Variants in SVIL observed in about 807,000 individuals in gnomAD.
The protein encoded by SVIL is archvillin.
SVIL carries 101 observed loss-of-function variants against 240.4 expected under a neutral mutation model. The ratio of observed to expected loss-of-function variants is 0.42; its 90% CI spans 0.36 to 0.50. SVIL has a LOEUF of 0.50. Among genes scored for constraint, SVIL ranks in the 20% least tolerant of loss-of-function variants. The probability of loss-of-function intolerance (pLI) is 0.01; values close to 1 mark genes in which losing one functional copy is unlikely to be tolerated. For missense variants in SVIL, 2,512 were observed against 2,818.7 expected (o/e 0.89, Z 2.46); for synonymous variants, 999 against 1,100.0 (o/e 0.91, Z 1.82).
At chr10:29,676,545 C>G (rs1318172109) in intron 2 of SVIL, among the ~76,000 whole-genome samples, 2 of 152,210 alleles carry the variant, frequency 1.3e-5, no homozygotes, top group African/African-American at 4.8e-5. Context: ...TCTGGAACTG[C>G]ACACAGAGGT....
chr10:29,694,812 G>A (rs559648714), intron 1 of SVIL, among the ~76,000 whole-genome samples: 1 of 152,282 alleles, frequency 6.6e-6, no homozygotes, highest in African/African-American at 2.4e-5. Flanking sequence ...GGAAGAACTT[G>A]GAATTTATAG....
intron 1 of SVIL, among the ~76,000 whole-genome samples, chr10:29,704,294 T>C (rs1473146082): frequency 6.6e-6 from 1 of 152,196 alleles, no homozygotes. Flanking sequence ...CGTGTGTGTG[T>C]GTATGTGTGT....
intron 3 of SVIL, among the ~76,000 whole-genome samples, chr10:29,645,720 A>G (rs1420828399): frequency 3.3e-5 from 5 of 152,188 alleles, no homozygotes; most frequent in Non-Finnish European, 5.9e-5. Context: ...TCCCATAGAG[A>G]CTCAGGCCAA....
At chr10:29,549,945 C>T (rs867950691) in intron 6 of SVIL, among the ~76,000 whole-genome samples, 4 of 132,610 alleles carry the variant, frequency 3.0e-5, no homozygotes, top group Admixed American at 1.6e-4. Context: ...GTGGGTGCAA[C>T]GCACCAGCAT....
At chr10:29,548,588 T>A (rs1952914661) in intron 6 of SVIL, among the ~76,000 whole-genome samples, 1 of 152,194 alleles carries the variant, frequency 6.6e-6, no homozygotes, top group Admixed American at 6.6e-5. Context: ...ACACAGTGGT[T>A]TTCTAATGGC....
In SVIL at chr10:29,708,489, C is replaced by T. The variant is rs547806816; in HGVS notation, c.-399-21838G>A. Among the ~76,000 whole-genome samples the T allele has an allele frequency of 2.9e-4, 42 of 144,500 alleles. No individual in the cohort carries two copies. In the East Asian group the frequency reaches 6.9e-3, roughly 24 times the overall value. The allele number at this position is 144,500 out of a possible 152,430, so 94.8% of individuals were successfully genotyped here. A position where few individuals can be genotyped will look rare whatever the true frequency, so the allele number is the denominator to read the frequency against. ...TACAAAAATTAGCCAGGCGTGGTGG[C>T]GGGCGCCTGTAATCCCAGCTACTTG... On this transcript the variant is annotated intron_variant, in intron 1 of 35. Transcript: ENST00000375400.
chr10:29,585,739 T>C (rs941486768), intron 1 of SVIL, among the ~76,000 whole-genome samples: 27 of 152,172 alleles, frequency 1.8e-4, no homozygotes, highest in Admixed American at 1.5e-3. Flanking sequence ...TGAGCCCTGG[T>C]GCCCCAAGAT....
chr10:29,500,593 G>C (rs1400235011), intron 17 of SVIL, among the ~76,000 whole-genome samples: 1 of 152,132 alleles, frequency 6.6e-6, no homozygotes, highest in African/African-American at 2.4e-5. Flanking sequence ...CTTCTTCTAG[G>C]AGGTTCCCCA....
At chr10:29,536,962 C>T (rs1309856015) in intron 6 of SVIL, among the ~76,000 whole-genome samples, 2 of 150,022 alleles carry the variant, frequency 1.3e-5, no homozygotes, top group African/African-American at 2.5e-5. Flanking sequence ...ACACTCTGCC[C>T]ACAAATACCA....
intron 3 of SVIL, among the ~76,000 whole-genome samples, chr10:29,643,541 C>G (rs1211046740): frequency 1.3e-5 from 2 of 152,124 alleles, no homozygotes; most frequent in East Asian, 3.8e-4. Flanking sequence ...CCTTCTGTAC[C>G]ATGGGCAAGT....
At chr10:29,526,094 A>G (rs1410924023) in intron 13 of SVIL, among the ~76,000 whole-genome samples, 1 of 152,188 alleles carries the variant, frequency 6.6e-6, no homozygotes, top group African/African-American at 2.4e-5. Flanking sequence ...CTGAAACACG[A>G]CAGTAAAACA....
intron 1 of SVIL, among the ~76,000 whole-genome samples, chr10:29,607,127 T>G (rs951614791): frequency 6.6e-6 from 1 of 152,228 alleles, no homozygotes; most frequent in African/African-American, 2.4e-5. Flanking sequence ...TATTCATTCT[T>G]CCTTATGGTT....
intron 1 of SVIL, among the ~76,000 whole-genome samples, chr10:29,592,835 C>T (rs1286323249): frequency 7.2e-5 from 11 of 152,052 alleles, no homozygotes. Flanking sequence ...TGATCAAGGC[C>T]TAGATTAAAG....
intron 1 of SVIL, among the ~76,000 whole-genome samples, chr10:29,609,765 A>C (rs1296827392): frequency 6.6e-6 from 1 of 152,184 alleles, no homozygotes; most frequent in South Asian, 2.1e-4. Flanking sequence ...CACAGCAGCC[A>C]GCGTGCCTGG....
intron 29 of SVIL, among the ~76,000 whole-genome samples, chr10:29,479,835 A>G (rs147798065): frequency 2.1e-4 from 32 of 152,282 alleles, no homozygotes; most frequent in Middle Eastern, 3.4e-3. Flanking sequence ...TGTGACCTGC[A>G]TGCTCTCCTA....
chr10:29,680,007 C>T (rs1960512384), intron 2 of SVIL, among the ~76,000 whole-genome samples: 1 of 151,958 alleles, frequency 6.6e-6, no homozygotes, highest in Admixed American at 6.6e-5. Context: ...TAGCGAGATC[C>T]TATCTCTCCT....
intron 13 of SVIL, among the ~76,000 whole-genome samples, chr10:29,525,321 C>T (rs568169982): frequency 1.3e-5 from 2 of 152,302 alleles, no homozygotes; most frequent in Admixed American, 1.3e-4. Context: ...AAGAAAATTT[C>T]AGGTGATTAT....
intron 1 of SVIL, among the ~76,000 whole-genome samples, chr10:29,708,587 C>G (rs928671251): frequency 3.3e-5 from 5 of 152,136 alleles, no homozygotes; most frequent in African/African-American, 1.2e-4. Flanking sequence ...CGCCACTACA[C>G]TCCAGCCTGG....
Position 29,572,778 on chromosome 10 carries a change from A to G in SVIL, c.-200-3466T>C, listed in dbSNP as rs535159628. Among the ~76,000 whole-genome samples the G allele has an allele frequency of 7.5e-5, 11 of 146,942 alleles. No individual in the cohort carries two copies. In the South Asian group the frequency reaches 1.3e-3, roughly 17 times the overall value. On this transcript the variant is annotated intron_variant, in intron 1 of 37. Transcript: ENST00000355867. ...GATCCTATCTCAAAAAAAAAAAAAA[A>G]AAAGAAAAAGAAAAAGAAAAAAAGA...
Sources: allele counts gnomAD v4.1 joint callset (sites outside exome capture counted in the v4.1 genomes callset), GRCh38; gene constraint gnomAD v4.1.1; transcripts MANE v1.5; gene names NCBI Gene and HGNC (gene_info 2026-07-23, HGNC 2026-07-21).